Variants in SCN9A observed in about 807,000 individuals in gnomAD.
The protein encoded by SCN9A is sodium voltage-gated channel alpha subunit 9, also known as sodium channel protein type 9 subunit alpha.
Under a neutral mutation model 187.0 loss-of-function variants are expected in SCN9A, and 131 were observed. The ratio of observed to expected loss-of-function variants is 0.70; its 90% CI spans 0.61 to 0.81. The LOEUF (loss-of-function observed/expected upper bound fraction) is 0.81, where lower values mean the gene tolerates loss of function less well. Ranked by LOEUF, SCN9A falls within the 30% of genes least tolerant of loss-of-function variation. The probability of loss-of-function intolerance (pLI) is 0.00; values close to 1 mark genes in which losing one functional copy is unlikely to be tolerated. For missense variants in SCN9A, 2,252 were observed against 2,396.6 expected, an observed-to-expected ratio of 0.94 and a Z score of 1.26; for synonymous variants, 809 against 808.6, an observed-to-expected ratio of 1.00 and a Z score of -0.01.
chr2:166,322,170 T>TA (rs1190609948), intron 1 of SCN9A, among the ~76,000 whole-genome samples: 2 of 148,056 alleles, frequency 1.4e-5, no homozygotes, highest in South Asian at 2.1e-4. Flanking sequence ...AACACTTTTT[T>TA]AAAAAAAATT....
intron 1 of SCN9A, among the ~76,000 whole-genome samples, chr2:166,354,379 G>A (rs1700105958): frequency 6.6e-6 from 1 of 152,050 alleles, no homozygotes; most frequent in Admixed American, 6.5e-5. Context: ...CCATAAACAG[G>A]AAGGTTAAAA....
chr2:166,268,557 A>G (rs1418971388), intron 17 of SCN9A, among the ~76,000 whole-genome samples: 3 of 152,054 alleles, frequency 2.0e-5, no homozygotes, highest in Non-Finnish European at 4.4e-5. Context: ...GACATTTTAG[A>G]CAAATAAATA....
intron 1 of SCN9A, among the ~76,000 whole-genome samples, chr2:166,344,025 G>A (rs1350200167): frequency 6.6e-6 from 1 of 152,128 alleles, no homozygotes; most frequent in Non-Finnish European, 1.5e-5. Context: ...TAGGATCATG[G>A]AGAATTATCT....
chr2:166,373,783 T>C (rs754045274), intron 1 of SCN9A, among the ~76,000 whole-genome samples: 2 of 152,190 alleles, frequency 1.3e-5, no homozygotes, highest in African/African-American at 2.4e-5. Context: ...TTAAGCTCTT[T>C]TACAAGATCA....
chr2:166,278,404 T>C, intron 14 of SCN9A, 91 bp from the exon 15 acceptor site: 1 of 1,093,008 alleles, frequency 9.1e-7, no homozygotes, highest in Non-Finnish European at 1.3e-6. Context: ...GCATTTACTG[T>C]GTTCCAGACA....
At chr2:166,247,382 A>G (rs1417004366) in intron 18 of SCN9A, among the ~76,000 whole-genome samples, 2 of 152,116 alleles carry the variant, frequency 1.3e-5, no homozygotes, top group Non-Finnish European at 2.9e-5. Context: ...AAAGTCACAA[A>G]GGAGTTGGTT....
chr2:166,326,805 T>C (rs1378279342), intron 1 of SCN9A, among the ~76,000 whole-genome samples: 1 of 152,178 alleles, frequency 6.6e-6, no homozygotes, highest in East Asian at 1.9e-4. Context: ...TGCACAACAG[T>C]GCTGTAGTAA....
At chr2:166,349,752 C>A (rs1699988441) in intron 1 of SCN9A, among the ~76,000 whole-genome samples, 1 of 152,102 alleles carries the variant, frequency 6.6e-6, no homozygotes, top group African/African-American at 2.4e-5. Flanking sequence ...GCAGGTGGAT[C>A]ACCTGAAGTC....
chr2:166,272,376 C>T, intron 17 of SCN9A, 23 bp downstream of exon 17: 1 of 1,360,498 alleles, frequency 7.4e-7, no homozygotes, highest in Non-Finnish European at 1.0e-6. Flanking sequence ...ATATGAAACA[C>T]AAAGTATATG....
intron 1 of SCN9A, among the ~76,000 whole-genome samples, chr2:166,373,346 A>G (rs958175441): frequency 2.7e-5 from 4 of 145,460 alleles, no homozygotes; most frequent in African/African-American, 1.0e-4. Context: ...TTGTGAGCCA[A>G]TGTTTGTTAG....
chr2:166,271,695 C>T (rs1696993256), intron 17 of SCN9A, among the ~76,000 whole-genome samples: 1 of 151,792 alleles, frequency 6.6e-6, no homozygotes, highest in Admixed American at 6.6e-5. Context: ...TCTCTACAAA[C>T]TTTTTTAAAA....
intron 1 of SCN9A, among the ~76,000 whole-genome samples, chr2:166,358,830 C>T (rs954644508): frequency 6.6e-6 from 1 of 152,124 alleles, no homozygotes; most frequent in Non-Finnish European, 1.5e-5. Context: ...TTATCCATCT[C>T]AGGTGAAAAG....
chr2:166,301,383 A>G (rs1429430006), intron 7 of SCN9A: 1 of 150,846 alleles, frequency 6.6e-6, no homozygotes, highest in Non-Finnish European at 1.5e-5. Context: ...TCAAGCTATA[A>G]GCAATCAAGC....
Position 166,278,139 on chromosome 2 carries a change from C to G in SCN9A, c.2517+1G>C, listed in dbSNP as rs560913943. On this transcript the variant is annotated splice_donor_variant, in intron 15 of 26. Transcript: ENST00000642356. LOFTEE classifies it high-confidence loss of function. Reference sequence around the variant, plus strand: ...TAATGGCAACCTTAGTTTATGTTTACCAGTCTGAATGATCGCAGAACTGAC... The same window carrying G: ...TAATGGCAACCTTAGTTTATGTTTAGCAGTCTGAATGATCGCAGAACTGAC... The G allele has an allele frequency of 1.2e-6, 2 of 1,609,938 alleles. No homozygotes were observed. Among genetic ancestry groups the G allele is most frequent in the African/African-American group, 2.7e-5 (2 of 74,860 alleles).
chr2:166,255,557 A>T (rs961791991), intron 17 of SCN9A, among the ~76,000 whole-genome samples: 6 of 151,598 alleles, frequency 4.0e-5, no homozygotes, highest in African/African-American at 1.4e-4. Flanking sequence ...AAAAGAAGAA[A>T]CTATCAAACA....
intron 7 of SCN9A, among the ~76,000 whole-genome samples, chr2:166,297,659 G>A (rs1698377143): frequency 6.6e-6 from 1 of 151,768 alleles, no homozygotes; most frequent in Admixed American, 6.6e-5. Flanking sequence ...TTCTTGGTGG[G>A]AAAGATGAAA....
chr2:166,258,053 C>T (rs1432203726), intron 17 of SCN9A, among the ~76,000 whole-genome samples: 1 of 151,326 alleles, frequency 6.6e-6, no homozygotes, highest in African/African-American at 2.4e-5. Flanking sequence ...TTCATCATTG[C>T]ACAATAGATA....
intron 24 of SCN9A, among the ~76,000 whole-genome samples, chr2:166,205,811 T>G (rs1693772317): frequency 1.3e-5 from 2 of 151,834 alleles, no homozygotes; most frequent in Non-Finnish European, 2.9e-5. Flanking sequence ...TTAAACAAAT[T>G]TACAAGAAAA....
At chr2:166,215,909 T>C (rs74958673) in intron 24 of SCN9A, among the ~76,000 whole-genome samples, 1 of 151,930 alleles carries the variant, frequency 6.6e-6, no homozygotes, top group African/African-American at 2.4e-5. Context: ...TATACTGATA[T>C]GAAAACCCTA....
Sources: gnomAD v4.1 joint callset for allele counts (sites outside exome capture counted in the v4.1 genomes callset) on GRCh38, gnomAD v4.1.1 for gene constraint, MANE v1.5 for transcripts, NCBI Gene and HGNC (gene_info 2026-07-23, HGNC 2026-07-21) for gene names.